DZIP1: variants seen among roughly 807,000 people sequenced by gnomAD.
DZIP1 encodes the protein cilium assembly protein DZIP1.
DZIP1 carries 97 observed loss-of-function variants against 107.6 expected under a neutral mutation model. That is an observed-to-expected ratio of 0.90 (90% CI 0.77 to 1.07). DZIP1 has a LOEUF of 1.07. DZIP1 is among the 50% of genes least tolerant of loss of function. DZIP1 has a pLI of 0.00. For synonymous variants in DZIP1, 390 were observed against 386.4 expected (o/e 1.01, Z -0.11); for missense variants, 1,035 against 1,063.6 (o/e 0.97, Z 0.37).
rs199564048 is a variant in DZIP1 at position 95,641,433 on chromosome 13, G to C, written c.459C>G (p.His153Gln). 1.0e-4 allele frequency: 163 copies of C among 1,614,074 alleles called. No homozygotes were observed. The highest frequency in any genetic ancestry group is 1.8e-4 in the Admixed American group (11 of 60,012). The stretch of plus-strand genomic sequence containing the variant: ...GCTTCTTGCTCTGCTCGCCGTCGCA[G>C]TGGCTCAGGCGCAGCCGCTCCTCCA... Reference protein sequence around the residue: ...HTLEERLRLSHCDGEQSKKLL... With the variant: ...HTLEERLRLSQCDGEQSKKLL... The change falls in exon 5 of 23, where the codon CAC becomes CAG. Residue 153 changes from histidine to glutamine, a missense_variant. His to Gln is a conservative substitution (Grantham distance 24). Transcript: ENST00000376829. This position sits in a 1 kb window ranked among gnomAD's most constrained non-coding sequence, Gnocchi z 4.3.
intron 10 of DZIP1, among the ~76,000 whole-genome samples, chr13:95,612,985 G>A (rs1424538961): frequency 6.6e-6 from 1 of 151,964 alleles, no homozygotes; most frequent in Admixed American, 6.6e-5. Flanking sequence ...GAGAAAAAGA[G>A]GGGGAATGGT....
chr13:95,598,309 TACA>T (rs1721075794), intron 15 of DZIP1, among the ~76,000 whole-genome samples: 1 of 152,086 alleles, frequency 6.6e-6, no homozygotes, highest in South Asian at 2.1e-4. Flanking sequence ...GTCTAAAATA[TACA>T]ACATCAAGAC....
At chr13:95,596,322 T>C (rs1315193656) in intron 15 of DZIP1, among the ~76,000 whole-genome samples, 1 of 152,112 alleles carries the variant, frequency 6.6e-6, no homozygotes, top group African/African-American at 2.4e-5. Context: ...CCCAGGCTAA[T>C]GCACAACAGT....
chr13:95,607,003 T>A (rs762458526), intron 13 of DZIP1, among the ~76,000 whole-genome samples: 1 of 152,186 alleles, frequency 6.6e-6, no homozygotes, highest in Admixed American at 6.5e-5. Context: ...TTAATTCTAA[T>A]CTTACCCTAA....
chr13:95,640,190 A>G (rs749344953), intron 5 of DZIP1, among the ~76,000 whole-genome samples: 3 of 151,878 alleles, frequency 2.0e-5, no homozygotes, highest in Non-Finnish European at 2.9e-5. Context: ...ACGGGGTTTC[A>G]CCATGTTAGC....
Position 95,582,127 on chromosome 13 carries a change from T to G in DZIP1, c.*107A>C. 1.9e-6 allele frequency: 2 copies of G among 1,032,190 alleles called. No homozygotes were observed. Among genetic ancestry groups the G allele is most frequent in the Non-Finnish European group, 1.5e-6 (1 of 664,042 alleles). The allele number at this position is 1,032,190 out of a possible 1,614,324, so 63.9% of individuals were successfully genotyped here. ...CTTTGAATCAGTCTCTGTGTTGCTG[T>G]GGGAAACACGGTAAGGCAGAAGCAC... On this transcript the variant is annotated 3_prime_UTR_variant, in exon 23 of 23. Coordinates refer to ENST00000376829, the MANE Select transcript of DZIP1 (RefSeq NM_198968.4).
rs1876337914 is a variant in DZIP1, at chr13:95,624,821, T to C, written c.919A>G (p.Met307Val). 1 of 1,610,700 alleles carries C rather than the reference T, an allele frequency of 6.2e-7. No homozygotes were observed. The highest frequency in any genetic ancestry group is 1.3e-5 in the African/African-American group (1 of 74,892). Reference protein sequence around the residue: ...LVDEMEKVKEMFMKEFKELTS... With the variant: ...LVDEMEKVKEVFMKEFKELTS... Reference sequence around the variant, plus strand: ...AATTCTTTAAATTCCTTCATAAACATCTCCTTGACTTTTTCCATTTCATCA... The same window carrying C: ...AATTCTTTAAATTCCTTCATAAACACCTCCTTGACTTTTTCCATTTCATCA... Residue 307 changes from methionine (M) to valine (V), a missense_variant, in exon 8 of 23, where the codon ATG (methionine) becomes GTG (valine). Physicochemically the swap from Met to Val is conservative, Grantham distance 21 (BLOSUM62 1). Coordinates refer to ENST00000376829, the MANE Select transcript of DZIP1 (RefSeq NM_198968.4).
At chr13:95,582,648 T>A (rs1301113305) in intron 22 of DZIP1, among the ~76,000 whole-genome samples, 1 of 152,188 alleles carries the variant, frequency 6.6e-6, no homozygotes, top group African/African-American at 2.4e-5. Flanking sequence ...TACATTTGTG[T>A]TGTAGTTACT....
At chr13:95,618,340 T>C (rs1875406158) in intron 10 of DZIP1, among the ~76,000 whole-genome samples, 1 of 152,238 alleles carries the variant, frequency 6.6e-6, no homozygotes, top group Non-Finnish European at 1.5e-5. Context: ...ACATCAGTGA[T>C]ACAATTTTCA....
chr13:95,627,857 A>T (rs1402705127), intron 7 of DZIP1, among the ~76,000 whole-genome samples: 1 of 152,192 alleles, frequency 6.6e-6, no homozygotes, highest in East Asian at 1.9e-4. Context: ...AGCATTATTC[A>T]TTAGAGCCAA....
intron 14 of DZIP1, among the ~76,000 whole-genome samples, chr13:95,605,308 C>T (rs1261557891): frequency 1.3e-5 from 2 of 152,112 alleles, no homozygotes; most frequent in African/African-American, 4.8e-5. Flanking sequence ...GCCCTTCTCC[C>T]GTCTTAATTC....
At chr13:95,644,086 C>T (rs919630647) in intron 1 of DZIP1, among the ~76,000 whole-genome samples, 7 of 152,224 alleles carry the variant, frequency 4.6e-5, no homozygotes, top group Non-Finnish European at 7.3e-5. Flanking sequence ...CCCTCCCTCC[C>T]CCATCCCGGG....
At chr13:95,611,975 C>T (rs1006465818) in intron 11 of DZIP1, 62 bp downstream of exon 11, 4 of 1,565,160 alleles carry the variant, frequency 2.6e-6, no homozygotes, top group African/African-American at 2.7e-5. Context: ...AGTAAAAACA[C>T]ATGTTCTTAG....
chr13:95,594,577 A>C (rs1022952286), intron 15 of DZIP1, among the ~76,000 whole-genome samples: 1 of 152,266 alleles, frequency 6.6e-6, no homozygotes, highest in Middle Eastern at 3.4e-3. Flanking sequence ...AGGTGAGTGG[A>C]TCACTTGGAC....
Position 95,626,015 on chromosome 13 carries a change from C to A in DZIP1, c.811-1086G>T, listed in dbSNP as rs148038311. Among the ~76,000 whole-genome samples, 1,050 of 151,920 alleles carry A rather than the reference C, an allele frequency of 6.9e-3. 7 individuals are homozygous for A. The highest frequency in any genetic ancestry group is 0.024 in the African/African-American group (1,014 of 41,438). ...GGTATGGTGGTACGTGCCTGTAATC[C>A]CAGCTACTTAGGAGGCTGAGGTGGG... On this transcript the variant is annotated intron_variant, in intron 7 of 22. Transcript: ENST00000376829.
At position 95,630,206 on chromosome 13, in the gene DZIP1, A is replaced by T. The variant is rs1045807760; in HGVS notation, c.686-93T>A. The T allele has an allele frequency of 1.4e-5, 20 of 1,412,534 alleles. No homozygotes were observed. The Admixed American group carries it at 2.3e-4, about 17-fold the overall frequency. The allele number at this position is 1,412,534 out of a possible 1,614,324, so 87.5% of individuals were successfully genotyped here. ...CAGTCCTGTTGATAACACGAAGGAA[A>T]CTGTCCTCTTACTTGGGATACGATT... On this transcript the variant is annotated intron_variant, in intron 6 of 22. Transcript: ENST00000376829.
chr13:95,634,768 T>C (rs1387193263), intron 5 of DZIP1, among the ~76,000 whole-genome samples: 1 of 152,238 alleles, frequency 6.6e-6, no homozygotes, highest in Non-Finnish European at 1.5e-5. Context: ...TTATAAAATA[T>C]AAAAATTAAA....
rs1330751616 is a variant in DZIP1 at position 95,641,660 on chromosome 13, C to T, written c.232G>A (p.Asp78Asn). ...DWRRLSAIDV[D>N]KVAGAVDVLT... Reference sequence around the variant, plus strand: ...ACGTCCACAGCCCCCGCCACCTTGTCCACGTCGATGGCGCTCAGCCGCCGC... The same window carrying T: ...ACGTCCACAGCCCCCGCCACCTTGTTCACGTCGATGGCGCTCAGCCGCCGC... The change falls in exon 5 of 23, where the codon GAC (aspartate) becomes AAC (asparagine). Residue 78 changes from aspartate (D) to asparagine (N), a missense_variant. Transcript: ENST00000376829. This position sits in a 1 kb window ranked among gnomAD's most constrained non-coding sequence, Gnocchi z 4.3. 2 of 1,608,182 alleles carry T rather than the reference C, an allele frequency of 1.2e-6. No individual in the cohort carries two copies. The highest frequency in any genetic ancestry group is 1.7e-6 in the Non-Finnish European group (2 of 1,180,008).
At position 95,642,164 on chromosome 13, in the gene DZIP1, T is replaced by C; in HGVS notation, c.-135A>G. On this transcript the variant is annotated 5_prime_UTR_variant, in exon 4 of 23. Transcript: ENST00000376829. ...GCCTAAGGTCTGGGCGTCCAGGACG[T>C]TGCTATAGCAGCGCCCAGGTCCGGA... 1 of 1,220,742 alleles carries C rather than the reference T, an allele frequency of 8.2e-7. No homozygotes were observed. Among genetic ancestry groups the C allele is most frequent in the Non-Finnish European group, 1.1e-6 (1 of 920,214 alleles). The allele number at this position is 1,220,742 out of a possible 1,614,324, so 75.6% of individuals were successfully genotyped here.
Sources: allele counts gnomAD v4.1 joint callset (sites outside exome capture counted in the v4.1 genomes callset), GRCh38; gene constraint gnomAD v4.1.1; non-coding constraint Gnocchi (gnomAD v3.1); transcripts MANE v1.5; gene names NCBI Gene and HGNC (gene_info 2026-07-23, HGNC 2026-07-21).